The following NAALADL2 variants were observed in gnomAD, a reference collection of about 807,000 sequenced individuals.
NAALADL2 encodes inactive N-acetylated-alpha-linked acidic dipeptidase-like protein 2.
A neutral mutation model predicts 87.2 loss-of-function variants in NAALADL2; 76 were observed. The observed-to-expected ratio is 0.87, with a 90% CI of 0.72 to 1.05. The LOEUF (loss-of-function observed/expected upper bound fraction) is 1.05. Ranked by LOEUF, NAALADL2 falls within the 50% of genes least tolerant of loss-of-function variation. The probability of loss-of-function intolerance (pLI) is 0.00; values close to 1 mark genes in which losing one functional copy is unlikely to be tolerated. For missense variants in NAALADL2, 1,089 were observed against 945.8 expected (o/e 1.15, Z -1.99); for synonymous variants, 354 against 331.0 (o/e 1.07, Z -0.75).
At chr3:174,978,585 A>G (rs9820882) in intron 1 of NAALADL2, among the ~76,000 whole-genome samples, 1 of 152,100 alleles carries the variant, frequency 6.6e-6, no homozygotes, top group Non-Finnish European at 1.5e-5. Context: ...TTGATTAATC[A>G]TGCCCTTTTA....
chr3:175,516,465 A>G (rs1333636681), intron 9 of NAALADL2, among the ~76,000 whole-genome samples: 1 of 152,162 alleles, frequency 6.6e-6, no homozygotes, highest in African/African-American at 2.4e-5. Flanking sequence ...GTGTGATCCA[A>G]ATGTGCACTG....
chr3:175,458,088 T>C (rs1240550272), intron 6 of NAALADL2, among the ~76,000 whole-genome samples: 4 of 152,068 alleles, frequency 2.6e-5, no homozygotes, highest in Non-Finnish European at 5.9e-5. Flanking sequence ...GGTATTTCTT[T>C]AGTTTTTGGC....
rs11285134 is a variant in NAALADL2 at position 174,635,506 on chromosome 3, G to GT, written c.-115+84883dup. On this transcript the variant is annotated intron_variant, in intron 2 of 3. Coordinates refer to the NAALADL2 transcript ENST00000434257. ...CATTGTCGTTGTGGTGGTGGTTGTG[G>GT]TTTTTTTTTTTTTTGAGATGGAGTC... Among the ~76,000 whole-genome samples the GT allele has an allele frequency of 1.9e-3, 261 of 139,534 alleles. 1 individual carries two copies. Among genetic ancestry groups the GT allele is most frequent in the Non-Finnish European group, 3.1e-3 (204 of 64,856 alleles). The allele number at this position is 139,534 out of a possible 152,430, so 91.5% of individuals were successfully genotyped here.
chr3:175,049,103 T>G (rs1755043939), intron 1 of NAALADL2, among the ~76,000 whole-genome samples: 1 of 151,382 alleles, frequency 6.6e-6, no homozygotes, highest in Non-Finnish European at 1.5e-5. Context: ...CCACAGATAT[T>G]TTTTTTTTCC....
At chr3:175,795,682 CAAAAAATA>C (rs1241385078) in intron 13 of NAALADL2, among the ~76,000 whole-genome samples, 2 of 149,176 alleles carry the variant, frequency 1.3e-5, no homozygotes, top group African/African-American at 2.5e-5. Flanking sequence ...GACTCTGTCT[CAAAAAATA>C]AAAAAATAAA....
chr3:174,827,978 T>G (rs1044550380), intron 3 of NAALADL2, among the ~76,000 whole-genome samples: 5 of 151,574 alleles, frequency 3.3e-5, no homozygotes, highest in African/African-American at 1.2e-4. Context: ...AGGCCAGGAG[T>G]TTGAGAGAAG....
chr3:175,621,839 A>G (rs1368097802), intron 10 of NAALADL2, among the ~76,000 whole-genome samples: 1 of 152,162 alleles, frequency 6.6e-6, no homozygotes, highest in Non-Finnish European at 1.5e-5. Flanking sequence ...CAGGAGTTCT[A>G]GAACAAATTT....
At chr3:175,129,375 T>C (rs1727450119) in intron 2 of NAALADL2, among the ~76,000 whole-genome samples, 1 of 152,196 alleles carries the variant, frequency 6.6e-6, no homozygotes, top group Non-Finnish European at 1.5e-5. Context: ...CTATAGTCAC[T>C]GTGGTTTACA....
At chr3:174,760,995 G>C (rs1191462170) in intron 3 of NAALADL2, among the ~76,000 whole-genome samples, 1 of 152,184 alleles carries the variant, frequency 6.6e-6, no homozygotes, top group Non-Finnish European at 1.5e-5. Flanking sequence ...AGCTGATGCA[G>C]TACACAAGGA....
chr3:174,579,972 GA>G (rs142989929), intron 2 of NAALADL2, among the ~76,000 whole-genome samples: 12 of 151,132 alleles, frequency 7.9e-5, no homozygotes. Context: ...CAGTGAGAGG[GA>G]AAAAAAATAA....
intron 2 of NAALADL2, among the ~76,000 whole-genome samples, chr3:175,163,956 T>C (rs375820510): frequency 8.5e-5 from 13 of 152,312 alleles, no homozygotes; most frequent in African/African-American, 3.1e-4. Context: ...CAGGTTCTGA[T>C]CTTGGCATTT....
At chr3:174,829,529 G>C (rs1302756091) in intron 3 of NAALADL2, among the ~76,000 whole-genome samples, 2 of 135,774 alleles carry the variant, frequency 1.5e-5, no homozygotes, top group East Asian at 4.1e-4. Flanking sequence ...TGGACATTTG[G>C]GTTGGTTCCA....
chr3:174,690,085 G>A (rs1728422485), intron 2 of NAALADL2, among the ~76,000 whole-genome samples: 1 of 152,104 alleles, frequency 6.6e-6, no homozygotes, highest in South Asian at 2.1e-4. Context: ...GATATTAGAA[G>A]TCATGACAGA....
intron 5 of NAALADL2, among the ~76,000 whole-genome samples, chr3:175,429,176 TACACAC>T (rs749991023): frequency 0.059 from 7,414 of 125,580 alleles, 369 homozygotes; most frequent in African/African-American, 0.15. Context: ...TATATATATG[TACACAC>T]ACACACACAC....
chr3:175,001,400 A>G (rs1000748723), intron 1 of NAALADL2, among the ~76,000 whole-genome samples: 5 of 152,142 alleles, frequency 3.3e-5, no homozygotes, highest in Admixed American at 6.6e-5. Flanking sequence ...ATAATTTCCC[A>G]GGTGATTCAC....
Position 174,562,196 on chromosome 3 carries a change from TAACTC to T in NAALADL2, c.-115+11564_-115+11568del, listed in dbSNP as rs1713705547. On this transcript the variant is annotated intron_variant, in intron 2 of 3. Transcript: ENST00000434257. ...CTAATTACATTTATAATTTTCTACT[TAACTC>T]AACTATTAGGCATTATAGGAAGAAG... 3.3e-5 allele frequency among the ~76,000 whole-genome samples: 5 copies of T among 152,304 alleles called. 1 individual carries two copies. The South Asian group carries it at 8.3e-4, about 25-fold the overall frequency.
intron 4 of NAALADL2, among the ~76,000 whole-genome samples, chr3:175,289,412 C>T (rs1755378168): frequency 6.6e-6 from 1 of 151,988 alleles, no homozygotes; most frequent in African/African-American, 2.4e-5. Flanking sequence ...CACTCATATG[C>T]TTTATTTTCG....
intron 1 of NAALADL2, chr3:175,059,610 G>T: frequency 2.8e-6 from 1 of 351,396 alleles, no homozygotes; most frequent in Non-Finnish European, 5.4e-6. Context: ...TCAGTATGAT[G>T]GAAAATGGCA....
intron 13 of NAALADL2, among the ~76,000 whole-genome samples, chr3:175,789,400 A>G (rs1253258605): frequency 6.6e-6 from 1 of 152,156 alleles, no homozygotes; most frequent in African/African-American, 2.4e-5. Flanking sequence ...TCTAACCATC[A>G]CATATGACTT....
Sources: allele counts gnomAD v4.1 joint callset (sites outside exome capture counted in the v4.1 genomes callset), GRCh38; gene constraint gnomAD v4.1.1; transcripts MANE v1.5; gene names NCBI Gene and HGNC (gene_info 2026-07-23, HGNC 2026-07-21).